RIMS2: variants seen among roughly 807,000 people sequenced by gnomAD.
RIMS2 encodes the protein regulating synaptic membrane exocytosis protein 2.
A neutral mutation model predicts 174.4 loss-of-function variants in RIMS2; 59 were observed. The observed-to-expected ratio is 0.34, with a 90% CI of 0.27 to 0.42. The LOEUF is 0.42. Among genes scored for constraint, RIMS2 ranks in the 10% least tolerant of loss-of-function variants. The pLI, the probability that RIMS2 is intolerant of heterozygous loss-of-function variation, is 1.00. For missense variants in RIMS2, 1,620 were observed against 1,666.3 expected (o/e 0.97, Z 0.48); for synonymous variants, 606 against 572.5 (o/e 1.06, Z -0.84).
At chr8:103,828,122 G>A (rs920557766) in intron 3 of RIMS2, among the ~76,000 whole-genome samples, 1 of 151,594 alleles carries the variant, frequency 6.6e-6, no homozygotes, top group African/African-American at 2.4e-5. Context: ...GGTTTTTTTT[G>A]CATCTATGTT....
In RIMS2 at chr8:103,728,777, A is replaced by G. The variant is rs933970107; in HGVS notation, c.387+31481A>G. The stretch of plus-strand genomic sequence containing the variant: ...TTTTTTTTTTTTTTTTAGGATTTTT[A>G]TCTTGAAGGAATGGTGAATTTTCTC... On this transcript the variant is annotated intron_variant, in intron 2 of 23. Transcript: ENST00000504942. Among the ~76,000 whole-genome samples the G allele has an allele frequency of 2.6e-4, 12 of 46,608 alleles. No individual in the cohort carries two copies. In the South Asian group the frequency reaches 6.0e-3, roughly 23 times the overall value. The allele number at this position is 46,608 out of a possible 152,430, so 30.6% of individuals were successfully genotyped here. A position where few individuals can be genotyped will look rare whatever the true frequency, so the allele number is the denominator to read the frequency against.
chr8:103,950,742 A>G (rs1457054820), intron 14 of RIMS2, among the ~76,000 whole-genome samples: 1 of 152,202 alleles, frequency 6.6e-6, no homozygotes, highest in Non-Finnish European at 1.5e-5. Flanking sequence ...CTGCCCTCCC[A>G]GCTGTTATTG....
intron 19 of RIMS2, among the ~76,000 whole-genome samples, chr8:104,149,638 A>C (rs10098957): frequency 0.029 from 4,403 of 152,278 alleles, 182 homozygotes; most frequent in African/African-American, 0.099. Flanking sequence ...TGACAAACAA[A>C]TGCATGTAAT....
At chr8:103,720,015 A>G (rs1196805434) in intron 2 of RIMS2, among the ~76,000 whole-genome samples, 1 of 152,174 alleles carries the variant, frequency 6.6e-6, no homozygotes, top group Non-Finnish European at 1.5e-5. Context: ...TTCACTTGTT[A>G]GTTGTTAACT....
At chr8:103,785,229 A>G (rs1320408460) in intron 3 of RIMS2, among the ~76,000 whole-genome samples, 1 of 146,794 alleles carries the variant, frequency 6.8e-6, no homozygotes, top group Non-Finnish European at 1.5e-5. Context: ...GGACAATTTG[A>G]CTTCCTCTTT....
At chr8:104,194,968 C>T (rs1301929910) in intron 19 of RIMS2, among the ~76,000 whole-genome samples, 1 of 152,166 alleles carries the variant, frequency 6.6e-6, no homozygotes, top group Non-Finnish European at 1.5e-5. Flanking sequence ...GAAGAAGCAA[C>T]AGATAAACAC....
chr8:103,538,668 C>T (rs896283765), intron 1 of RIMS2, among the ~76,000 whole-genome samples: 1 of 152,178 alleles, frequency 6.6e-6, no homozygotes, highest in Non-Finnish European at 1.5e-5. Context: ...AGGCACCCAC[C>T]ACCACGCCTG....
chr8:103,683,411 C>T (rs1564277118), intron 1 of RIMS2, among the ~76,000 whole-genome samples: 1 of 152,132 alleles, frequency 6.6e-6, no homozygotes, highest in Non-Finnish European at 1.5e-5. Context: ...ATTCACTCAC[C>T]CCCAAGGAAG....
At chr8:104,147,770 T>A (rs1248391461) in intron 19 of RIMS2, among the ~76,000 whole-genome samples, 2 of 152,222 alleles carry the variant, frequency 1.3e-5, no homozygotes, top group African/African-American at 4.8e-5. Context: ...GCTTCCAGAT[T>A]CTTCGCTTTC....
intron 19 of RIMS2, among the ~76,000 whole-genome samples, chr8:104,028,836 C>G (rs764457866): frequency 6.6e-6 from 1 of 152,124 alleles, no homozygotes; most frequent in South Asian, 2.1e-4. Context: ...AGAGGATTCT[C>G]GTATCTCAAA....
chr8:103,904,263 A>G (rs988620756), intron 4 of RIMS2, among the ~76,000 whole-genome samples: 5 of 152,052 alleles, frequency 3.3e-5, no homozygotes, highest in African/African-American at 1.2e-4. Flanking sequence ...TGTTGTGTGT[A>G]TAGTTTTTTC....
chr8:104,246,042 G>A (rs1283540372), intron 20 of RIMS2, among the ~76,000 whole-genome samples: 3 of 152,218 alleles, frequency 2.0e-5, no homozygotes, highest in Non-Finnish European at 4.4e-5. Context: ...AAAAGTGAAT[G>A]TGCACTGAGC....
intron 1 of RIMS2, 126 bp from the exon 2 acceptor site, chr8:103,652,079 G>T: frequency 3.5e-6 from 1 of 287,274 alleles, no homozygotes; most frequent in Non-Finnish European, 6.7e-6. Flanking sequence ...TTCAATATAT[G>T]GCAAAGCACT....
At chr8:103,973,157 A>G (rs1213543670) in intron 15 of RIMS2, among the ~76,000 whole-genome samples, 2 of 152,238 alleles carry the variant, frequency 1.3e-5, no homozygotes, top group East Asian at 1.9e-4. Flanking sequence ...TATTACTTCC[A>G]TCATCAGAGC....
chr8:103,855,546 G>A (rs775752925), intron 3 of RIMS2, among the ~76,000 whole-genome samples: 8 of 151,984 alleles, frequency 5.3e-5, no homozygotes, highest in Non-Finnish European at 7.4e-5. Context: ...AGAGATTTTG[G>A]TAAGTTGTGT....
intron 3 of RIMS2, among the ~76,000 whole-genome samples, chr8:103,841,599 A>G (rs1287995512): frequency 6.6e-6 from 1 of 151,936 alleles, no homozygotes; most frequent in Admixed American, 6.6e-5. Flanking sequence ...ACTCCACAAA[A>G]TCTTACAGAT....
intron 1 of RIMS2, 65 bp downstream of exon 1, chr8:103,501,127 C>A: frequency 1.6e-6 from 2 of 1,270,560 alleles, no homozygotes; most frequent in South Asian, 1.8e-5. Context: ...CACTGCCCTG[C>A]GGCCGCCTGC....
At chr8:103,810,335 A>G (rs2098678547) in intron 3 of RIMS2, among the ~76,000 whole-genome samples, 1 of 152,186 alleles carries the variant, frequency 6.6e-6, no homozygotes, top group Admixed American at 6.5e-5. Flanking sequence ...AGGAGAAGGT[A>G]GGCAGTGGAA....
chr8:103,669,792 C>T (rs1024220955), intron 1 of RIMS2, among the ~76,000 whole-genome samples: 5 of 152,214 alleles, frequency 3.3e-5, no homozygotes, highest in African/African-American at 9.6e-5. Flanking sequence ...TTGCAGGGTA[C>T]AGAGCCCCTT....
Sources: allele counts gnomAD v4.1 joint callset (sites outside exome capture counted in the v4.1 genomes callset), GRCh38; gene constraint gnomAD v4.1.1; transcripts MANE v1.5; gene names NCBI Gene and HGNC (gene_info 2026-07-23, HGNC 2026-07-21).